PCDHA8: variants seen among roughly 807,000 people sequenced by gnomAD.
PCDHA8 encodes the protein protocadherin alpha 8.
A neutral mutation model predicts 61.8 loss-of-function variants in PCDHA8; 53 were observed. The observed-to-expected ratio is 0.86, with a 90% CI of 0.69 to 1.08. The LOEUF is 1.08. Among genes scored for constraint, PCDHA8 ranks in the 50% least tolerant of loss-of-function variants. The pLI, the probability that PCDHA8 is intolerant of heterozygous loss-of-function variation, is 0.00. For missense variants in PCDHA8, 1,293 were observed against 1,245.0 expected (o/e 1.04, Z -0.58); for synonymous variants, 618 against 556.6 (o/e 1.11, Z -1.55).
intron 1 of PCDHA8, among the ~76,000 whole-genome samples, chr5:140,946,403 CATAGAA>C (rs1425933072): frequency 1.3e-5 from 2 of 151,512 alleles, no homozygotes; most frequent in African/African-American, 2.4e-5. Flanking sequence ...TTAGTACAAT[CATAGAA>C]AACAATATGG....
intron 1 of PCDHA8, among the ~76,000 whole-genome samples, chr5:140,886,340 G>A (rs2060950327): frequency 6.6e-6 from 1 of 151,864 alleles, no homozygotes; most frequent in East Asian, 1.9e-4. Flanking sequence ...TGTGCAGAAC[G>A]TGCAGGTTTG....
In PCDHA8 at chr5:141,010,797, AC is replaced by A. The variant is rs1329759215; in HGVS notation, c.*864del. Reference sequence around the variant, plus strand: ...AATACTTATGCAAAAGCAAAAGAAAACCCCGACACCTCACCTTTCGCTGTTT... The same window carrying A: ...AATACTTATGCAAAAGCAAAAGAAAACCCGACACCTCACCTTTCGCTGTTT... On this transcript the variant is annotated 3_prime_UTR_variant, in exon 4 of 4. Transcript: ENST00000531613. The A allele has an allele frequency of 6.5e-6, 1 of 153,778 alleles. No homozygotes were observed. The highest frequency in any genetic ancestry group is 2.4e-5 in the African/African-American group (1 of 41,460). 9.5% of individuals were successfully genotyped at this position (153,778 alleles called of 1,614,324 possible).
chr5:140,852,883 G>T, intron 1 of PCDHA8: 1 of 933,168 alleles, frequency 1.1e-6, no homozygotes, highest in Non-Finnish European at 1.3e-6. Flanking sequence ...ATCATAAAAC[G>T]TATTTTTTTT....
At chr5:140,913,503 T>G (rs1334607884) in intron 1 of PCDHA8, among the ~76,000 whole-genome samples, 6 of 152,182 alleles carry the variant, frequency 3.9e-5, no homozygotes, top group African/African-American at 1.4e-4. Context: ...GTTTAAAACT[T>G]TGTCAATTTT....
chr5:140,986,413 C>G (rs2097199513), intron 3 of PCDHA8, among the ~76,000 whole-genome samples: 1 of 152,156 alleles, frequency 6.6e-6, no homozygotes, highest in African/African-American at 2.4e-5. Context: ...TGTTACAGCT[C>G]TTTTTAACTT....
At chr5:140,940,764 G>C (rs977154290) in intron 1 of PCDHA8, among the ~76,000 whole-genome samples, 1 of 152,080 alleles carries the variant, frequency 6.6e-6, no homozygotes, top group Non-Finnish European at 1.5e-5. Context: ...ACTTTTATTT[G>C]ACTTTTGATG....
intron 1 of PCDHA8, among the ~76,000 whole-genome samples, chr5:140,943,553 CAAT>C (rs1554215748): frequency 6.6e-6 from 1 of 152,026 alleles, no homozygotes; most frequent in East Asian, 1.9e-4. Context: ...TAGACGTAGA[CAAT>C]AATCATTTTA....
chr5:140,915,882 C>T lies in PCDHA8; in HGVS notation c.2395-63067C>T, dbSNP rs181276676. Among the ~76,000 whole-genome samples, 3 of 152,314 alleles carry T rather than the reference C, an allele frequency of 2.0e-5. No homozygotes were observed. In the East Asian group the frequency reaches 5.8e-4, roughly 29 times the overall value. ...GTTTGCATCCTTCCCTTTAGGGTAG[C>T]AAGTTCCCCCTGGCCCTGGGCAGGC... On this transcript the variant is annotated intron_variant, in intron 1 of 3. Coordinates refer to ENST00000531613, the MANE Select transcript of PCDHA8 (RefSeq NM_018911.3).
intron 1 of PCDHA8, among the ~76,000 whole-genome samples, chr5:140,904,088 TA>T (rs1486110849): frequency 9.8e-5 from 15 of 152,340 alleles, no homozygotes; most frequent in Admixed American, 2.6e-4. Flanking sequence ...GTTACATGAA[TA>T]ACTACTTTAG....
intron 1 of PCDHA8, chr5:140,877,134 C>G (rs1339173132): frequency 3.1e-6 from 5 of 1,613,594 alleles, no homozygotes; most frequent in African/African-American, 2.7e-5. Flanking sequence ...TGCAGGTGTT[C>G]GTGCTGGACG....
intron 1 of PCDHA8, chr5:140,854,216 A>T (rs1332746944): frequency 4.7e-6 from 3 of 633,232 alleles, no homozygotes; most frequent in Non-Finnish European, 5.9e-6. Flanking sequence ...TCAATATTGG[A>T]CATCTACATT....
At chr5:141,001,144 C>T (rs1225047253) in intron 3 of PCDHA8, among the ~76,000 whole-genome samples, 3 of 151,960 alleles carry the variant, frequency 2.0e-5, no homozygotes, top group Non-Finnish European at 4.4e-5. Context: ...TCTTCTGTTG[C>T]TCTGATCTTA....
At chr5:140,985,138 C>T (rs972329850) in intron 3 of PCDHA8, among the ~76,000 whole-genome samples, 3 of 152,016 alleles carry the variant, frequency 2.0e-5, no homozygotes, top group Non-Finnish European at 2.9e-5. Flanking sequence ...GGGGTTTCAC[C>T]GTGTTAGCCA....
chr5:140,878,313 AT>A (rs2057535405), intron 1 of PCDHA8, among the ~76,000 whole-genome samples: 1 of 152,186 alleles, frequency 6.6e-6, no homozygotes, highest in Non-Finnish European at 1.5e-5. Flanking sequence ...CAATCTAGAC[AT>A]TTTCACATTA....
At chr5:140,907,591 C>T (rs539639384) in intron 1 of PCDHA8, among the ~76,000 whole-genome samples, 10 of 152,294 alleles carry the variant, frequency 6.6e-5, no homozygotes, top group African/African-American at 2.4e-4. Flanking sequence ...GGCTGATCAC[C>T]CTGAGGAATG....
chr5:140,979,130 A>C, intron 2 of PCDHA8, 123 bp downstream of exon 2: 1 of 1,473,242 alleles, frequency 6.8e-7, no homozygotes, highest in Admixed American at 2.7e-5. Flanking sequence ...TTTGCCAGGA[A>C]AATGCAATTA....
At chr5:140,891,223 C>T (rs903810382) in intron 1 of PCDHA8, among the ~76,000 whole-genome samples, 19 of 152,110 alleles carry the variant, frequency 1.2e-4, no homozygotes, top group Non-Finnish European at 2.2e-4. Flanking sequence ...TCTTTATAAT[C>T]ATCCTGTTCT....
At position 140,984,181 on chromosome 5, in the gene PCDHA8, C is replaced by T. The variant is rs995252456; in HGVS notation, c.2542+1618C>T. Among the ~76,000 whole-genome samples, 5 of 152,210 alleles carry T rather than the reference C, an allele frequency of 3.3e-5. No individual in the cohort carries two copies. In the East Asian group the frequency reaches 9.6e-4, roughly 29 times the overall value. Reference sequence around the variant, plus strand: ...ACTTCCCAAAGAAGCCACGTGAAATCATGACTTTCTACCTTGCCTTTATTT... The same window carrying T: ...ACTTCCCAAAGAAGCCACGTGAAATTATGACTTTCTACCTTGCCTTTATTT... On this transcript the variant is annotated intron_variant, in intron 3 of 3. Coordinates refer to ENST00000531613, the MANE Select transcript of PCDHA8 (RefSeq NM_018911.3).
At chr5:140,930,675 A>G (rs1326713897) in intron 1 of PCDHA8, among the ~76,000 whole-genome samples, 2 of 152,234 alleles carry the variant, frequency 1.3e-5, no homozygotes, top group Non-Finnish European at 2.9e-5. Flanking sequence ...TATTCTAGGC[A>G]ATAAGGGGAA....
Sources: allele counts gnomAD v4.1 joint callset (sites outside exome capture counted in the v4.1 genomes callset), GRCh38; gene constraint gnomAD v4.1.1; transcripts MANE v1.5; gene names NCBI Gene and HGNC (gene_info 2026-07-23, HGNC 2026-07-21).